SLC35F1: variants seen among roughly 807,000 people sequenced by gnomAD.
SLC35F1 encodes chromosome 6 open reading frame 169.
SLC35F1 carries 14 observed loss-of-function variants against 48.7 expected under a neutral mutation model. That is an observed-to-expected ratio of 0.29 (90% CI 0.19 to 0.45). The LOEUF is 0.45. SLC35F1 is among the 20% of genes least tolerant of loss of function. The probability of loss-of-function intolerance (pLI) is 1.00; values close to 1 mark genes in which losing one functional copy is unlikely to be tolerated. For missense variants in SLC35F1, 404 were observed against 500.0 expected (o/e 0.81, Z 1.83); for synonymous variants, 190 against 202.2 (o/e 0.94, Z 0.51).
chr6:118,006,341 G>C (rs1777174442), intron 1 of SLC35F1, among the ~76,000 whole-genome samples: 1 of 152,174 alleles, frequency 6.6e-6, no homozygotes, highest in Admixed American at 6.5e-5. Context: ...ATTTGGCCAG[G>C]TGTGGTGGCA....
intron 1 of SLC35F1, among the ~76,000 whole-genome samples, chr6:118,059,987 A>C (rs1435532372): frequency 2.0e-5 from 3 of 152,234 alleles, no homozygotes; most frequent in African/African-American, 7.2e-5. Context: ...TTGTATCTTC[A>C]AAGAGAAGTT....
intron 1 of SLC35F1, among the ~76,000 whole-genome samples, chr6:118,040,969 G>T (rs1025224551): frequency 1.3e-5 from 2 of 151,800 alleles, no homozygotes; most frequent in African/African-American, 4.8e-5. Flanking sequence ...CACTTATTTT[G>T]GTCCAGGGGC....
chr6:118,036,299 GGT>G (rs1772131061), intron 1 of SLC35F1, among the ~76,000 whole-genome samples: 1 of 151,834 alleles, frequency 6.6e-6, no homozygotes, highest in African/African-American at 2.4e-5. Context: ...TTAGAAATGT[GGT>G]TTAATTTTCA....
chr6:118,140,482 A>C (rs1582689242), intron 1 of SLC35F1, among the ~76,000 whole-genome samples: 1 of 152,218 alleles, frequency 6.6e-6, no homozygotes, highest in African/African-American at 2.4e-5. Context: ...ACATACAATT[A>C]TGTACAGTAA....
At chr6:117,928,578 C>T (rs1163436143) in intron 1 of SLC35F1, among the ~76,000 whole-genome samples, 1 of 152,064 alleles carries the variant, frequency 6.6e-6, no homozygotes, top group Non-Finnish European at 1.5e-5. Context: ...TAGTTATTTT[C>T]CATGATAAAT....
At chr6:117,999,779 C>T in intron 1 of SLC35F1, among the ~76,000 whole-genome samples, 1 of 151,640 alleles carries the variant, frequency 6.6e-6, no homozygotes, top group African/African-American at 2.4e-5. Context: ...CACCACCGAT[C>T]CCACAGAAAT....
intron 1 of SLC35F1, among the ~76,000 whole-genome samples, chr6:118,083,252 A>C (rs1409931847): frequency 6.6e-6 from 1 of 152,180 alleles, no homozygotes; most frequent in Non-Finnish European, 1.5e-5. Context: ...AATATTACCA[A>C]ACTGAATTGA....
intron 1 of SLC35F1, among the ~76,000 whole-genome samples, chr6:118,011,128 T>C (rs1179036671): frequency 6.6e-6 from 1 of 152,052 alleles, no homozygotes. Context: ...CCACGGATGG[T>C]GGGGGAATGG....
intron 2 of SLC35F1, among the ~76,000 whole-genome samples, chr6:118,188,895 A>G (rs1266639492): frequency 6.6e-6 from 1 of 152,040 alleles, no homozygotes; most frequent in African/African-American, 2.4e-5. Flanking sequence ...AAGTTTCATA[A>G]CCTGCACTGA....
intron 1 of SLC35F1, among the ~76,000 whole-genome samples, chr6:117,933,012 G>A (rs17820580): frequency 0.037 from 5,623 of 152,280 alleles, 143 homozygotes; most frequent in Middle Eastern, 0.065. Flanking sequence ...CTCACAACTT[G>A]TTTGACTTCT....
chr6:117,993,924 T>G (rs1400438649), intron 1 of SLC35F1, among the ~76,000 whole-genome samples: 4 of 152,150 alleles, frequency 2.6e-5, no homozygotes, highest in Non-Finnish European at 5.9e-5. Context: ...CTTGAAACAA[T>G]GCAAATTTGT....
rs59548308 is a variant in SLC35F1, at chr6:118,085,487, C to CTTTTTTTTTTTTTTTTTTTTTTTTTTTT, written c.174-68957_174-68930dup. On this transcript the variant is annotated intron_variant, in intron 1 of 7. Transcript: ENST00000360388. ...TTTTCTCTTTTTTTTTCTTTCTTTC[C>CTTTTTTTTTTTTTTTTTTTTTTTTTTTT]TTTTTTTTTTTTTTTTTTTTTTTTT... Among the ~76,000 whole-genome samples, 3 of 56,956 alleles carry CTTTTTTTTTTTTTTTTTTTTTTTTTTTT rather than the reference C, an allele frequency of 5.3e-5. 1 individual carries two copies. Among genetic ancestry groups the CTTTTTTTTTTTTTTTTTTTTTTTTTTTT allele is most frequent in the African/African-American group, 2.2e-4 (3 of 13,566 alleles). The allele number at this position is 56,956 out of a possible 152,430, so 37.4% of individuals were successfully genotyped here. A position where few individuals can be genotyped will look rare whatever the true frequency, so the allele number is the denominator to read the frequency against.
chr6:118,305,048 A>ATG (rs758520455), intron 7 of SLC35F1, among the ~76,000 whole-genome samples: 13,851 of 79,220 alleles, frequency 0.17, 1,327 homozygotes, highest in South Asian at 0.21. Context: ...ATCAACAGGA[A>ATG]TGTGTGTGTG....
intron 2 of SLC35F1, among the ~76,000 whole-genome samples, chr6:118,220,929 G>A (rs1017259684): frequency 2.0e-5 from 3 of 152,132 alleles, no homozygotes; most frequent in African/African-American, 7.2e-5. Context: ...GCACCTCACT[G>A]TACTATGGCC....
At chr6:118,253,842 C>T (rs941217345) in intron 3 of SLC35F1, among the ~76,000 whole-genome samples, 10 of 151,886 alleles carry the variant, frequency 6.6e-5, no homozygotes, top group African/African-American at 2.4e-4. Flanking sequence ...ATGAATGGAA[C>T]CAAGATGCCA....
chr6:117,957,869 A>C (rs573883125), intron 1 of SLC35F1, among the ~76,000 whole-genome samples: 1 of 152,226 alleles, frequency 6.6e-6, no homozygotes, highest in Non-Finnish European at 1.5e-5. Context: ...TTATGCATTT[A>C]CCATACTATG....
intron 1 of SLC35F1, among the ~76,000 whole-genome samples, chr6:118,125,225 C>G (rs1195059228): frequency 6.6e-6 from 1 of 152,144 alleles, no homozygotes; most frequent in African/African-American, 2.4e-5. Flanking sequence ...ACTACTGATT[C>G]AAAACTCCTA....
At chr6:118,110,357 G>A (rs1301216798) in intron 1 of SLC35F1, among the ~76,000 whole-genome samples, 3 of 152,028 alleles carry the variant, frequency 2.0e-5, no homozygotes, top group African/African-American at 7.2e-5. Context: ...AACCTGTATT[G>A]GTAGAAACAA....
intron 1 of SLC35F1, among the ~76,000 whole-genome samples, chr6:117,923,910 G>A (rs1031848046): frequency 2.7e-5 from 4 of 149,084 alleles, no homozygotes; most frequent in African/African-American, 9.9e-5. Context: ...ATATGTGTGT[G>A]TACATATATA....
Sources: gnomAD v4.1 joint callset for allele counts (sites outside exome capture counted in the v4.1 genomes callset) on GRCh38, gnomAD v4.1.1 for gene constraint, MANE v1.5 for transcripts, NCBI Gene and HGNC (gene_info 2026-07-23, HGNC 2026-07-21) for gene names.